The following LARGE1 variants were observed in gnomAD, a reference collection of about 807,000 sequenced individuals.
LARGE1 encodes the protein LARGE xylosyl- and glucuronyltransferase 1.
Under a neutral mutation model 87.6 loss-of-function variants are expected in LARGE1, and 43 were observed. The observed-to-expected ratio is 0.49, with a 90% confidence interval of 0.38 to 0.63. The LOEUF (loss-of-function observed/expected upper bound fraction) is 0.63. Ranked by LOEUF, LARGE1 falls within the 30% of genes least tolerant of loss-of-function variation. LARGE1 has a pLI of 0.00. For synonymous variants in LARGE1, 434 were observed against 394.6 expected (o/e 1.10, Z -1.18); for missense variants, 802 against 1,000.2 (o/e 0.80, Z 2.67).
chr22:33,404,539 C>G (rs1195042267), intron 7 of LARGE1, among the ~76,000 whole-genome samples: 1 of 152,184 alleles, frequency 6.6e-6, no homozygotes, highest in East Asian at 1.9e-4. Flanking sequence ...CACAAACGAG[C>G]CTATCTACCC....
chr22:33,567,112 T>C (rs1188483928), intron 5 of LARGE1, among the ~76,000 whole-genome samples: 1 of 152,094 alleles, frequency 6.6e-6, no homozygotes, highest in African/African-American at 2.4e-5. Flanking sequence ...GTTTCAGAGA[T>C]GGAATGGGTC....
At chr22:33,112,980 A>G in the LARGE1 span, among the ~76,000 whole-genome samples, 7 of 152,316 alleles carry the variant, frequency 4.6e-5, no homozygotes, top group South Asian at 1.2e-3. Context: ...ATGAAGATAC[A>G]GTGAGAGAAT....
At chr22:33,368,647 T>C (rs192698626) in intron 9 of LARGE1, among the ~76,000 whole-genome samples, 1 of 152,246 alleles carries the variant, frequency 6.6e-6, no homozygotes, top group Admixed American at 6.5e-5. Context: ...TGTGTGTGCC[T>C]GTTTGTGTAT....
At chr22:33,177,636 G>C (rs1485306469) in intron 11 of LARGE1, among the ~76,000 whole-genome samples, 6 of 152,156 alleles carry the variant, frequency 3.9e-5, no homozygotes, top group African/African-American at 1.4e-4. Context: ...GTCTAAAGTA[G>C]ATAAAGAAGA....
chr22:33,714,485 A>G (rs1346475488), intron 2 of LARGE1, among the ~76,000 whole-genome samples: 1 of 152,220 alleles, frequency 6.6e-6, no homozygotes, highest in Non-Finnish European at 1.5e-5. Flanking sequence ...GAGATAAAAG[A>G]CAACACATAA....
At chr22:33,089,645 G>A in the LARGE1 span, among the ~76,000 whole-genome samples, 2 of 151,588 alleles carry the variant, frequency 1.3e-5, no homozygotes, top group African/African-American at 2.4e-5. Context: ...CTACAGGCAC[G>A]TGCACCACAT....
At position 33,374,194 on chromosome 22, in the gene LARGE1, C is replaced by T. The variant is rs572182179; in HGVS notation, c.1131+7725G>A. Among the ~76,000 whole-genome samples, 59 of 152,272 alleles carry T rather than the reference C, an allele frequency of 3.9e-4. 2 individuals are homozygous for T. In the South Asian group the frequency reaches 0.011, roughly 29 times the overall value. ...TGTATAATATGGTATACATTCCTAA[C>T]CTTGGACTCATTCTTTCTATGTCAG... is the stretch of plus-strand genomic sequence containing the variant. On this transcript the variant is annotated intron_variant, in intron 9 of 14. Coordinates refer to ENST00000397394, the MANE Select transcript of LARGE1 (RefSeq NM_133642.5).
chr22:33,699,225 G>C (rs1020663993), intron 2 of LARGE1, among the ~76,000 whole-genome samples: 8 of 152,228 alleles, frequency 5.3e-5, no homozygotes, highest in Admixed American at 3.9e-4. Context: ...AGTCGAGAAA[G>C]TTTGAGCAAT....
the LARGE1 span, among the ~76,000 whole-genome samples, chr22:33,086,199 A>T: frequency 2.2e-4 from 34 of 151,538 alleles, no homozygotes; most frequent in South Asian, 2.1e-3. Flanking sequence ...TTGGATTTTT[A>T]AAAAAAATCT....
At chr22:33,624,136 T>TA (rs1371067586) in intron 4 of LARGE1, among the ~76,000 whole-genome samples, 1 of 152,232 alleles carries the variant, frequency 6.6e-6, no homozygotes, top group Non-Finnish European at 1.5e-5. Flanking sequence ...GGGCTGGATA[T>TA]ATTAATTAAC....
chr22:33,205,697 C>T (rs1292274819), intron 11 of LARGE1, among the ~76,000 whole-genome samples: 2 of 152,180 alleles, frequency 1.3e-5, no homozygotes, highest in Non-Finnish European at 2.9e-5. Flanking sequence ...TCATCTCTAG[C>T]ATATGACACA....
chr22:33,600,621 G>C (rs1372328491), intron 5 of LARGE1, among the ~76,000 whole-genome samples: 1 of 132,262 alleles, frequency 7.6e-6, no homozygotes, highest in African/African-American at 3.1e-5. Context: ...TTAATAAATA[G>C]AACGCTCTGG....
chr22:33,367,644 C>T (rs138739988), intron 9 of LARGE1, among the ~76,000 whole-genome samples: 203 of 152,216 alleles, frequency 1.3e-3, no homozygotes, highest in African/African-American at 4.7e-3. Flanking sequence ...TGAGGCTGGT[C>T]TTAAACTCCT....
chr22:33,383,420 T>C (rs1385743836), intron 8 of LARGE1, among the ~76,000 whole-genome samples: 1 of 151,882 alleles, frequency 6.6e-6, no homozygotes, highest in African/African-American at 2.4e-5. Context: ...ATTAGCCTGG[T>C]GTGGTGCTGC....
intron 7 of LARGE1, among the ~76,000 whole-genome samples, chr22:33,407,677 T>TGC (rs774330498): frequency 4.3e-5 from 2 of 46,840 alleles, no homozygotes; most frequent in Non-Finnish European, 7.7e-5. Flanking sequence ...AGCTAACTGG[T>TGC]GCAGGCAAGA....
chr22:33,112,363 T>G, the LARGE1 span, among the ~76,000 whole-genome samples: 1 of 152,222 alleles, frequency 6.6e-6, no homozygotes, highest in Non-Finnish European at 1.5e-5. Context: ...AGGACAGTAA[T>G]AGTATGTGCA....
chr22:33,779,543 G>A (rs978496929), intron 1 of LARGE1, among the ~76,000 whole-genome samples: 5 of 152,110 alleles, frequency 3.3e-5, no homozygotes, highest in African/African-American at 4.8e-5. Context: ...ACACTGGGAG[G>A]CGGAGGTGGG....
the LARGE1 span, among the ~76,000 whole-genome samples, chr22:33,110,012 G>A: frequency 1.3e-5 from 2 of 152,266 alleles, no homozygotes; most frequent in South Asian, 4.1e-4. Context: ...ATCCTTTACG[G>A]CAATGCAAAG....
chr22:33,739,488 G>A (rs951254302), intron 2 of LARGE1, among the ~76,000 whole-genome samples: 3 of 152,322 alleles, frequency 2.0e-5, no homozygotes, highest in South Asian at 2.1e-4. Context: ...CTGCAGCCAC[G>A]CAAGACAATG....
Sources: gnomAD v4.1 joint callset for allele counts (sites outside exome capture counted in the v4.1 genomes callset) on GRCh38, gnomAD v4.1.1 for gene constraint, MANE v1.5 for transcripts, NCBI Gene and HGNC (gene_info 2026-07-23, HGNC 2026-07-21) for gene names.